Variants in MTA3 observed in about 807,000 individuals in gnomAD.
MTA3 encodes the protein metastasis-associated protein MTA3.
MTA3 carries 34 observed loss-of-function variants against 83.5 expected under a neutral mutation model. That is an observed-to-expected ratio of 0.41 (90% CI 0.31 to 0.54). The LOEUF is 0.54. Ranked by LOEUF, MTA3 falls within the 20% of genes least tolerant of loss-of-function variation. MTA3 has a pLI of 0.33. For synonymous variants in MTA3, 303 were observed against 252.7 expected, an observed-to-expected ratio of 1.20 and a Z score of -1.89; for missense variants, 761 against 726.4, an observed-to-expected ratio of 1.05 and a Z score of -0.55.
At chr2:42,548,809 A>AT (rs1558428116) in intron 2 of MTA3, among the ~76,000 whole-genome samples, 8 of 45,632 alleles carry the variant, frequency 1.8e-4, no homozygotes, top group South Asian at 8.8e-4. Flanking sequence ...TCTCAAAAAA[A>AT]AATATATATA....
chr2:42,578,623 A>T (rs6544566), intron 2 of MTA3, among the ~76,000 whole-genome samples: 1,577 of 152,226 alleles, frequency 0.01, 25 homozygotes, highest in African/African-American at 0.036. Flanking sequence ...GGAACATGGG[A>T]TACTTAGGGG....
Position 42,570,446 on chromosome 2 carries a change from A to G in MTA3, c.38A>G (p.Tyr13Cys). The G allele has an allele frequency of 1.3e-6, 2 of 1,536,916 alleles. No individual in the cohort carries two copies. Among genetic ancestry groups the G allele is most frequent in the Non-Finnish European group, 1.8e-6 (2 of 1,131,576 alleles). ...ANMYRVGDYVYFENSSSNPYL... is the reference protein window; with the variant it reads ...ANMYRVGDYVCFENSSSNPYL... ...CTTCCTTTAATTACAGATTATGTCT[A>G]CTTTGAGAATTCCTCCAGCAACCCA... Residue 13 changes from tyrosine (Y) to cysteine (C), a missense_variant, in exon 2 of 17, where the codon TAC becomes TGC. Coordinates refer to ENST00000405094, the MANE Select transcript of MTA3 (RefSeq NM_001330442.2).
chr2:42,657,067 T>C (rs1689237572), intron 7 of MTA3, among the ~76,000 whole-genome samples: 1 of 152,178 alleles, frequency 6.6e-6, no homozygotes. Context: ...TGGGTATATA[T>C]AGTATATATG....
chr2:42,595,146 G>A (rs1681636415), intron 3 of MTA3, among the ~76,000 whole-genome samples: 1 of 109,382 alleles, frequency 9.1e-6, no homozygotes, highest in Non-Finnish European at 1.7e-5. Flanking sequence ...GTCCCGCTCT[G>A]TCACCCAGGC....
At chr2:42,626,500 G>C (rs1305392348) in intron 4 of MTA3, among the ~76,000 whole-genome samples, 1 of 151,328 alleles carries the variant, frequency 6.6e-6, no homozygotes, top group Non-Finnish European at 1.5e-5. Flanking sequence ...GTTTCACCAT[G>C]TTGGCCAGGC....
chr2:42,642,248 C>T (rs185838503), intron 5 of MTA3, among the ~76,000 whole-genome samples: 8 of 152,020 alleles, frequency 5.3e-5, no homozygotes, highest in Non-Finnish European at 7.4e-5. Flanking sequence ...TTATATGACC[C>T]AAATAATCAT....
intron 5 of MTA3, among the ~76,000 whole-genome samples, chr2:42,640,683 A>C (rs1483416793): frequency 6.6e-6 from 1 of 152,170 alleles, no homozygotes; most frequent in Non-Finnish European, 1.5e-5. Context: ...AATATTTTTC[A>C]CTAAACCTCA....
chr2:42,512,805 T>A (rs1674964900), intron 2 of MTA3, among the ~76,000 whole-genome samples: 1 of 152,202 alleles, frequency 6.6e-6, no homozygotes, highest in African/African-American at 2.4e-5. Flanking sequence ...AGAAATTGTA[T>A]ATAACTTCCA....
At chr2:42,511,059 C>T (rs1316948327) in intron 2 of MTA3, among the ~76,000 whole-genome samples, 1 of 152,100 alleles carries the variant, frequency 6.6e-6, no homozygotes, top group Non-Finnish European at 1.5e-5. Flanking sequence ...ATTTCCCAAC[C>T]CCACAATCCT....
At chr2:42,576,686 A>C (rs998761412) in intron 2 of MTA3, among the ~76,000 whole-genome samples, 5 of 152,094 alleles carry the variant, frequency 3.3e-5, no homozygotes, top group Non-Finnish European at 7.4e-5. Flanking sequence ...GGATCACCTG[A>C]GAGGAGTCTG....
rs1056876028 is a variant in MTA3 at position 42,631,501 on chromosome 2, G to GT, written c.318-8663dup. ...TATTGTCTCAAGTACTTGTGTGTGT[G>GT]TTTTTTTTTGATTTTCAATTTTTGT... is the stretch of plus-strand genomic sequence containing the variant. On this transcript the variant is annotated intron_variant, in intron 4 of 16. Transcript: ENST00000405094. 1.1e-3 allele frequency among the ~76,000 whole-genome samples: 167 copies of GT among 150,058 alleles called. 1 individual carries two copies. The highest frequency in any genetic ancestry group is 1.9e-3 in the South Asian group (9 of 4,760).
chr2:42,593,400 CATT>C (rs1295505280), intron 3 of MTA3, among the ~76,000 whole-genome samples: 2 of 151,962 alleles, frequency 1.3e-5, no homozygotes, highest in Admixed American at 6.6e-5. Context: ...GTAACATAGT[CATT>C]ATCTATGTCA....
chr2:42,642,638 A>G lies in MTA3; in HGVS notation c.382-1489A>G, dbSNP rs1687795210. ...AATGATCATCCCCTGTAGCTTTGTT[A>G]AGTTGGTTTTTTTTTTTTTTTTTGA... On this transcript the variant is annotated intron_variant, in intron 5 of 16. Transcript: ENST00000405094. Among the ~76,000 whole-genome samples the G allele has an allele frequency of 2.0e-5, 3 of 151,616 alleles. No homozygotes were observed. The South Asian group carries it at 6.2e-4, about 32-fold the overall frequency.
intron 3 of MTA3, among the ~76,000 whole-genome samples, chr2:42,597,759 C>A (rs1248385982): frequency 1.3e-5 from 2 of 149,770 alleles, no homozygotes; most frequent in African/African-American, 2.5e-5. Flanking sequence ...CAGCTTACTG[C>A]AACCTCTGCC....
At chr2:42,570,327 G>A in intron 1 of MTA3, 110 bp from the exon 2 acceptor site, 1 of 582,520 alleles carries the variant, frequency 1.7e-6, no homozygotes, top group African/African-American at 1.9e-5. Flanking sequence ...ACCAGTGAAT[G>A]AATTATGAGC....
At chr2:42,500,592 C>G (rs1674352233) in intron 2 of MTA3, among the ~76,000 whole-genome samples, 1 of 152,054 alleles carries the variant, frequency 6.6e-6, no homozygotes. Context: ...TCTCAGATAT[C>G]TAAGGCTGAG....
chr2:42,662,728 A>G (rs1433454593), intron 8 of MTA3, among the ~76,000 whole-genome samples: 1 of 132,280 alleles, frequency 7.6e-6, no homozygotes, highest in Non-Finnish European at 1.5e-5. Context: ...ATATTATATA[A>G]ATACTTTTTT....
At chr2:42,565,863 A>G (rs1677888114), upstream of MTA3, among the ~76,000 whole-genome samples, 1 of 151,996 alleles carries the variant, frequency 6.6e-6, no homozygotes, top group African/African-American at 2.4e-5. Flanking sequence ...AATTAGCCAG[A>G]CGTGGTGATG....
intron 3 of MTA3, among the ~76,000 whole-genome samples, chr2:42,595,376 C>T (rs1681674477): frequency 6.6e-6 from 1 of 152,020 alleles, no homozygotes. Flanking sequence ...TCCCAAAGTG[C>T]TGGGATTACA....
Sources: gnomAD v4.1 joint callset for allele counts (sites outside exome capture counted in the v4.1 genomes callset) on GRCh38, gnomAD v4.1.1 for gene constraint, MANE v1.5 for transcripts, NCBI Gene and HGNC (gene_info 2026-07-23, HGNC 2026-07-21) for gene names.